HNRNPD: variants seen among roughly 807,000 people sequenced by gnomAD.
The protein encoded by HNRNPD is heterogeneous nuclear ribonucleoprotein D, also known as heterogeneous nuclear ribonucleoprotein D0.
Under a neutral mutation model 47.9 loss-of-function variants are expected in HNRNPD, and 3 were observed. The ratio of observed to expected loss-of-function variants is 0.06; its 90% CI spans 0.03 to 0.16. HNRNPD has a LOEUF of 0.16. Ranked by LOEUF, HNRNPD falls within the 10% of genes least tolerant of loss-of-function variation. The pLI is 1.00. For synonymous variants in HNRNPD, 171 were observed against 165.1 expected (o/e 1.04, Z -0.28); for missense variants, 287 against 454.2 (o/e 0.63, Z 3.35).
chr4:82,366,869 A>G lies in HNRNPD; in HGVS notation c.290+4659T>C, dbSNP rs146623927. On this transcript the variant is annotated intron_variant, in intron 2 of 8. Coordinates refer to ENST00000313899, the MANE Select transcript of HNRNPD (RefSeq NM_031370.3). ...AGCCACTACGCCTGGCCTAAAAATA[A>G]AACACTTTAAGAGACCAGGTCTCAC... 1.9e-4 allele frequency among the ~76,000 whole-genome samples: 29 copies of G among 150,296 alleles called. 1 individual carries two copies. The East Asian group carries it at 5.0e-3, about 26-fold the overall frequency.
intron 2 of HNRNPD, among the ~76,000 whole-genome samples, chr4:82,359,939 G>A (rs2575887): frequency 6.6e-6 from 1 of 152,074 alleles, no homozygotes; most frequent in African/African-American, 2.4e-5. Context: ...AGATTAAAAA[G>A]TTAACAGCAA....
At position 82,372,854 on chromosome 4, in the gene HNRNPD, GA is replaced by G. The variant is rs375594778; in HGVS notation, c.233+591del. Among the ~76,000 whole-genome samples, 198 of 152,306 alleles carry G rather than the reference GA, an allele frequency of 1.3e-3. 1 individual carries two copies. The highest frequency in any genetic ancestry group is 4.7e-3 in the African/African-American group (194 of 41,576). On this transcript the variant is annotated intron_variant, in intron 1 of 8. Coordinates refer to ENST00000313899, the MANE Select transcript of HNRNPD (RefSeq NM_031370.3). The stretch of plus-strand genomic sequence containing the variant: ...CCATTGTGCGATAGCGTATGGTGGA[GA>G]AAATGAGTAAATCCTTAGGCGAAAC...
intron 4 of HNRNPD, 191 bp downstream of exon 4, chr4:82,358,468 C>G (rs1225672425): frequency 3.7e-6 from 2 of 540,890 alleles, no homozygotes; most frequent in Non-Finnish European, 6.5e-6. Context: ...AGAGTAGGTG[C>G]TCAATGAGAA....
intron 2 of HNRNPD, among the ~76,000 whole-genome samples, chr4:82,369,779 G>T (rs954829692): frequency 6.6e-6 from 1 of 152,020 alleles, no homozygotes. Context: ...TGCATAATTG[G>T]AAAGTTAAGA....
chr4:82,358,881 T>A, intron 3 of HNRNPD, 61 bp from the exon 4 acceptor site: 1 of 1,221,122 alleles, frequency 8.2e-7, no homozygotes, highest in East Asian at 2.4e-5. Context: ...CAGAGACTAT[T>A]AACTTACTTA....
intron 2 of HNRNPD, among the ~76,000 whole-genome samples, chr4:82,360,262 T>C (rs1472146117): frequency 6.6e-6 from 1 of 152,116 alleles, no homozygotes; most frequent in Non-Finnish European, 1.5e-5. Context: ...GATGATTCGT[T>C]TACAGTAGAA....
At position 82,356,623 on chromosome 4, in the gene HNRNPD, T is replaced by C. The variant is rs1723722710; in HGVS notation, c.914A>G (p.Tyr305Cys). ...ACCGTAACCTTGGCTGTTATATCCA[T>C]AGTTGCCATAGCCTTGATTCCAATA... ...SNYWNQGYGN[Y>C]GYNSQGYGGY... The change falls in exon 7 of 9, where the codon TAT becomes TGT. Residue 305 changes from tyrosine to cysteine, a missense_variant. By Grantham distance (194) the Tyr-to-Cys change is radical. This residue lies in a region of HNRNPD where 65 missense variants were observed against 107.1 expected (regional missense o/e 0.61). Coordinates refer to ENST00000313899, the MANE Select transcript of HNRNPD (RefSeq NM_031370.3). 6.2e-7 allele frequency: 1 copy of C among 1,612,442 alleles called. No homozygotes were observed. Among genetic ancestry groups the C allele is most frequent in the Non-Finnish European group, 8.5e-7 (1 of 1,179,840 alleles).
At chr4:82,367,593 T>C (rs913549232) in intron 2 of HNRNPD, among the ~76,000 whole-genome samples, 5 of 152,182 alleles carry the variant, frequency 3.3e-5, no homozygotes, top group Non-Finnish European at 5.9e-5. Context: ...GGAGACAGAC[T>C]TCCTGGCTGT....
At chr4:82,362,453 GGTT>G (rs1199057619) in intron 2 of HNRNPD, among the ~76,000 whole-genome samples, 3 of 151,466 alleles carry the variant, frequency 2.0e-5, no homozygotes, top group Admixed American at 1.3e-4. Context: ...AATCAAAAAA[GGTT>G]GTTGTTCTCA....
At position 82,355,301 on chromosome 4, in the gene HNRNPD, T is replaced by C. The variant is rs1191337788; in HGVS notation, c.*30+3A>G. Reference sequence around the variant, plus strand: ...ACAAAAAAAAACTATTTTTAGAACATACCTGTTGGGGATAAGTTGCAAATG... The same window carrying C: ...ACAAAAAAAAACTATTTTTAGAACACACCTGTTGGGGATAAGTTGCAAATG... On this transcript the variant is annotated splice_donor_region_variant and intron_variant, in intron 8 of 8. Transcript: ENST00000313899. The C allele has an allele frequency of 6.6e-7, 1 of 1,505,858 alleles. No individual in the cohort carries two copies. Among genetic ancestry groups the C allele is most frequent in the East Asian group, 2.3e-5 (1 of 44,382 alleles). 93.3% of individuals were successfully genotyped at this position (1,505,858 alleles called of 1,614,324 possible).
intron 2 of HNRNPD, among the ~76,000 whole-genome samples, chr4:82,363,030 A>G (rs1008003664): frequency 3.2e-5 from 4 of 123,498 alleles, no homozygotes; most frequent in East Asian, 2.1e-4. Context: ...TTTTATATAT[A>G]TATGTGTGTG....
intron 7 of HNRNPD, 64 bp downstream of exon 7, chr4:82,356,473 G>T: frequency 7.4e-7 from 1 of 1,357,024 alleles, no homozygotes; most frequent in Non-Finnish European, 1.0e-6. Flanking sequence ...TAACCTTTCT[G>T]CCTATCCAAA....
chr4:82,363,037 T>G (rs1026882419), intron 2 of HNRNPD, among the ~76,000 whole-genome samples: 1 of 148,922 alleles, frequency 6.7e-6, no homozygotes, highest in African/African-American at 2.6e-5. Flanking sequence ...TATATATGTG[T>G]GTGTGTGTGT....
At chr4:82,357,855 CAG>C in intron 4 of HNRNPD, 1 of 154,618 alleles carries the variant, frequency 6.5e-6, no homozygotes, top group Non-Finnish European at 1.4e-5. Flanking sequence ...AGCTACTACT[CAG>C]TTTGAGAGAT....
chr4:82,362,482 T>TA (rs1238543725), intron 2 of HNRNPD, among the ~76,000 whole-genome samples: 1 of 137,102 alleles, frequency 7.3e-6, no homozygotes, highest in East Asian at 2.0e-4. Flanking sequence ...TGCTTAGGCT[T>TA]TAAAAAAAAA....
At chr4:82,363,924 T>C (rs1172311737) in intron 2 of HNRNPD, among the ~76,000 whole-genome samples, 2 of 152,194 alleles carry the variant, frequency 1.3e-5, no homozygotes, top group Non-Finnish European at 2.9e-5. Context: ...TTATCATCTT[T>C]TAAAGCAAGT....
intron 2 of HNRNPD, among the ~76,000 whole-genome samples, chr4:82,370,741 A>G (rs1291331057): frequency 6.6e-6 from 1 of 152,218 alleles, no homozygotes; most frequent in East Asian, 1.9e-4. Flanking sequence ...GTGGTGGTGT[A>G]TAAACCCCTG....
In HNRNPD at chr4:82,373,634, T is replaced by TGCC. The variant is rs1000264328; in HGVS notation, c.42_44dup (p.Ala15dup). ...CCGCCGAGCCGCCTACCGCCGCCGT[T>TGCC]GCCGCTGCCGCCGCCCCGTCCCCGC... On this transcript the variant is annotated inframe_insertion, in exon 1 of 9. Transcript: ENST00000313899. The TGCC allele has an allele frequency of 3.9e-6, 6 of 1,525,444 alleles. No individual in the cohort carries two copies. In the Admixed American group the frequency reaches 9.9e-5, roughly 25 times the overall value. 94.5% of individuals were successfully genotyped at this position (1,525,444 alleles called of 1,614,324 possible).
At chr4:82,359,879 A>T (rs138620378) in intron 2 of HNRNPD, among the ~76,000 whole-genome samples, 3 of 152,300 alleles carry the variant, frequency 2.0e-5, no homozygotes, top group Admixed American at 2.0e-4. Context: ...AACTTGCTAA[A>T]AGATAAACAT....
Sources: allele counts gnomAD v4.1 joint callset (sites outside exome capture counted in the v4.1 genomes callset), GRCh38; gene constraint gnomAD v4.1.1; regional missense constraint gnomAD v4.1.1; transcripts MANE v1.5; gene names NCBI Gene and HGNC (gene_info 2026-07-23, HGNC 2026-07-21).